Variants in CD44 observed in about 807,000 individuals in gnomAD.
The protein encoded by CD44 is CD44 molecule (IN blood group), also known as CD44 antigen.
In CD44, 49 loss-of-function variants were observed where a neutral mutation model predicts 88.8. That is an observed-to-expected ratio of 0.55 (90% CI 0.44 to 0.70). The LOEUF (loss-of-function observed/expected upper bound fraction) is 0.70, where lower values mean the gene tolerates loss of function less well. CD44 is among the 30% of genes least tolerant of loss of function. The pLI, the probability that CD44 is intolerant of heterozygous loss-of-function variation, is 0.00. For synonymous variants in CD44, 325 were observed against 312.3 expected, an observed-to-expected ratio of 1.04 and a Z score of -0.43; for missense variants, 883 against 913.8, an observed-to-expected ratio of 0.97 and a Z score of 0.43.
intron 17 of CD44, chr11:35,222,681 A>G (rs1055307317): frequency 3.3e-6 from 3 of 908,220 alleles, no homozygotes; most frequent in Middle Eastern, 5.7e-4. Flanking sequence ...TAACAGGGGT[A>G]TAAATCTAAA....
intron 15 of CD44, among the ~76,000 whole-genome samples, chr11:35,216,720 A>T (rs1010426298): frequency 2.0e-5 from 3 of 152,180 alleles, no homozygotes; most frequent in Admixed American, 2.0e-4. Flanking sequence ...GTAGGGAGTT[A>T]TTATTAAGGG....
intron 17 of CD44, among the ~76,000 whole-genome samples, chr11:35,226,819 T>A (rs529060664): frequency 6.6e-6 from 1 of 151,740 alleles, no homozygotes; most frequent in East Asian, 1.9e-4. Flanking sequence ...TTGCCCCAGG[T>A]CACATAGCAG....
chr11:35,195,686 A>G lies in CD44; in HGVS notation c.668-1060A>G, dbSNP rs138423726. Reference sequence around the variant, plus strand: ...GTTAGCTCATATTCTTCCAATGCACATTTTTGGGCATTATTGGTTATAGAA... The same window carrying G: ...GTTAGCTCATATTCTTCCAATGCACGTTTTTGGGCATTATTGGTTATAGAA... On this transcript the variant is annotated intron_variant, in intron 5 of 17. Transcript: ENST00000428726. Among the ~76,000 whole-genome samples, 1,384 of 151,954 alleles carry G rather than the reference A, an allele frequency of 9.1e-3. 19 individuals are homozygous for G. Among genetic ancestry groups the G allele is most frequent in the African/African-American group, 0.032 (1,322 of 41,424 alleles).
At chr11:35,166,680 C>T (rs552887968) in intron 1 of CD44, among the ~76,000 whole-genome samples, 9 of 152,336 alleles carry the variant, frequency 5.9e-5, no homozygotes, top group South Asian at 2.1e-4. Flanking sequence ...TCCAGCCAGG[C>T]GCCAAGACGT....
At chr11:35,164,156 T>C (rs60765455) in intron 1 of CD44, among the ~76,000 whole-genome samples, 2,762 of 151,984 alleles carry the variant, frequency 0.018, 101 homozygotes, top group African/African-American at 0.064. Context: ...ACCATTCACA[T>C]ACATTTCATG....
intron 16 of CD44, among the ~76,000 whole-genome samples, chr11:35,220,761 G>A (rs1487945801): frequency 5.1e-5 from 7 of 137,898 alleles, no homozygotes; most frequent in East Asian, 2.4e-4. Context: ...TTTAATATAC[G>A]TCTTTTTTTT....
intron 16 of CD44, among the ~76,000 whole-genome samples, chr11:35,220,216 C>A (rs1030293414): frequency 6.6e-6 from 1 of 152,126 alleles, no homozygotes; most frequent in Non-Finnish European, 1.5e-5. Context: ...GGTGGGCTGT[C>A]CCAAGGGAGA....
At chr11:35,151,077 A>G (rs1230515252) in intron 1 of CD44, among the ~76,000 whole-genome samples, 1 of 152,168 alleles carries the variant, frequency 6.6e-6, no homozygotes, top group Non-Finnish European at 1.5e-5. Context: ...GGCTTCAAGG[A>G]ATTTGAGGAT....
intron 1 of CD44, among the ~76,000 whole-genome samples, chr11:35,159,898 T>C (rs1401312774): frequency 6.6e-6 from 1 of 152,212 alleles, no homozygotes; most frequent in African/African-American, 2.4e-5. Context: ...AATGGAGCCT[T>C]GAAAGTTCAA....
At chr11:35,166,554 G>A (rs915924847) in intron 1 of CD44, among the ~76,000 whole-genome samples, 1 of 152,216 alleles carries the variant, frequency 6.6e-6, no homozygotes, top group East Asian at 1.9e-4. Flanking sequence ...CAGGGTAACA[G>A]CTAGGAGAAC....
chr11:35,198,055 T>C, intron 6 of CD44, 66 bp from the exon 7 acceptor site: 2 of 1,568,654 alleles, frequency 1.3e-6, no homozygotes, highest in Non-Finnish European at 1.7e-6. Flanking sequence ...CTGTGCCTGA[T>C]TTTCTTCCTT....
At chr11:35,223,905 C>T (rs1949503697) in intron 17 of CD44, among the ~76,000 whole-genome samples, 1 of 152,126 alleles carries the variant, frequency 6.6e-6, no homozygotes, top group Admixed American at 6.6e-5. Context: ...AATGGGGCCT[C>T]CAATAGGTGT....
At chr11:35,180,092 G>T (rs184423363) in intron 2 of CD44, among the ~76,000 whole-genome samples, 182 bp from the exon 3 acceptor site, 20 of 151,922 alleles carry the variant, frequency 1.3e-4, no homozygotes, top group Admixed American at 1.3e-3. Flanking sequence ...CAGTCTTGTT[G>T]ATCTCTTTCC....
intron 15 of CD44, chr11:35,219,083 G>A (rs1949079452): frequency 1.9e-6 from 1 of 527,918 alleles, no homozygotes; most frequent in African/African-American, 1.9e-5. Flanking sequence ...CAACACTGCT[G>A]CTGAGAATTC....
chr11:35,223,409 A>C (rs1012698555), intron 17 of CD44: 3 of 416,148 alleles, frequency 7.2e-6, no homozygotes, highest in Non-Finnish European at 9.7e-6. Flanking sequence ...ACATGTCACC[A>C]TAGAAACGCT....
At position 35,210,182 on chromosome 11, in the gene CD44, G is replaced by C. The variant is rs1046572770; in HGVS notation, c.1606+128G>C. 1.3e-5 allele frequency: 7 copies of C among 556,702 alleles called. No homozygotes were observed. In the South Asian group the frequency reaches 1.8e-4, roughly 14 times the overall value. The allele number at this position is 556,702 out of a possible 1,614,324, so 34.5% of individuals were successfully genotyped here. A position where few individuals can be genotyped will look rare whatever the true frequency, so the allele number is the denominator to read the frequency against. The stretch of plus-strand genomic sequence containing the variant: ...TTACACTGTTACTTTTAATCAAAAG[G>C]TGCGTCTGGTGGTGGTTCTCTGATT... On this transcript the variant is annotated intron_variant, in intron 13 of 17. Transcript: ENST00000428726.
intron 5 of CD44, 49 bp from the exon 6 acceptor site, chr11:35,196,697 G>T (rs1216217723): frequency 1.3e-6 from 2 of 1,589,322 alleles, no homozygotes; most frequent in South Asian, 1.1e-5. Flanking sequence ...TATTTCTTAG[G>T]AACCGTTAAT....
chr11:35,181,894 A>ATAT (rs1945093551), intron 3 of CD44, among the ~76,000 whole-genome samples: 1 of 72,024 alleles, frequency 1.4e-5, no homozygotes, highest in Non-Finnish European at 2.5e-5. Flanking sequence ...TTCTATATAT[A>ATAT]ATATAATATA....
In CD44 at chr11:35,176,066, G is replaced by A. The variant is rs1261066128; in HGVS notation, c.68-509G>A. Among the ~76,000 whole-genome samples, 3 of 135,978 alleles carry A rather than the reference G, an allele frequency of 2.2e-5. 1 individual carries two copies. Among genetic ancestry groups the A allele is most frequent in the Non-Finnish European group, 4.7e-5 (3 of 63,568 alleles). The allele number at this position is 135,978 out of a possible 152,430, so 89.2% of individuals were successfully genotyped here. The stretch of plus-strand genomic sequence containing the variant: ...TTTTTTTTTTTTTTTTTTTTGAAAC[G>A]GAGTCTTGCTCTGTCGCCCAGGCTG... On this transcript the variant is annotated intron_variant, in intron 1 of 17. Transcript: ENST00000428726.
Sources: gnomAD v4.1 joint callset for allele counts (sites outside exome capture counted in the v4.1 genomes callset) on GRCh38, gnomAD v4.1.1 for gene constraint, MANE v1.5 for transcripts, NCBI Gene and HGNC (gene_info 2026-07-23, HGNC 2026-07-21) for gene names.